PRKAA2: variants seen among roughly 807,000 people sequenced by gnomAD.
PRKAA2 encodes protein kinase AMP-activated catalytic subunit alpha 2, also known as 5'-AMP-activated protein kinase catalytic subunit alpha-2.
A neutral mutation model predicts 56.3 loss-of-function variants in PRKAA2; 40 were observed. The observed-to-expected ratio is 0.71, with a 90% CI of 0.55 to 0.92. The LOEUF (loss-of-function observed/expected upper bound fraction) is 0.92. PRKAA2 is among the 40% of genes least tolerant of loss of function. The pLI is 0.00. For missense variants in PRKAA2, 542 were observed against 686.9 expected (o/e 0.79, Z 2.36); for synonymous variants, 214 against 234.2 (o/e 0.91, Z 0.79).
chr1:56,662,230 A>G (rs2796527), intron 1 of PRKAA2, among the ~76,000 whole-genome samples: 85,751 of 151,838 alleles, frequency 0.56, 24,778 homozygotes, highest in East Asian at 0.83. Flanking sequence ...AAAGATTTAT[A>G]AGAACTTGAA....
Position 56,693,870 on chromosome 1 carries a change from A to G in PRKAA2, c.563+18A>G, listed in dbSNP as rs376943142. The G allele has an allele frequency of 9.9e-6, 15 of 1,511,392 alleles. No individual in the cohort carries two copies. The African/African-American group carries it at 1.8e-4, about 18-fold the overall frequency. 93.6% of individuals were successfully genotyped at this position (1,511,392 alleles called of 1,614,324 possible). Reference sequence around the variant, plus strand: ...TCAGGCAGGTAATAATCAGTGAAGCATAAGCTTTTTGTAATCTTGTGTTCA... The same window carrying G: ...TCAGGCAGGTAATAATCAGTGAAGCGTAAGCTTTTTGTAATCTTGTGTTCA... On this transcript the variant is annotated intron_variant, in intron 5 of 8. Transcript: ENST00000371244.
intron 2 of PRKAA2, among the ~76,000 whole-genome samples, chr1:56,683,852 G>A (rs887935878): frequency 6.6e-6 from 1 of 152,084 alleles, no homozygotes; most frequent in African/African-American, 2.4e-5. Context: ...GGCATTATAG[G>A]CCATTGTCAG....
chr1:56,664,011 A>G lies in PRKAA2; in HGVS notation c.95-10370A>G, dbSNP rs530763727. 1.8e-4 allele frequency among the ~76,000 whole-genome samples: 28 copies of G among 152,280 alleles called. No individual in the cohort carries two copies. The East Asian group carries it at 4.4e-3, about 24-fold the overall frequency. ...TTTCTCTGGAGGCTGAGGTGGGAGA[A>G]TCACTTGACACAGAAGGTCAGGGTT... On this transcript the variant is annotated intron_variant, in intron 1 of 8. Transcript: ENST00000371244.
rs751776166 is a variant in PRKAA2, at chr1:56,696,163, A to AT, written c.788+9dup. 1.1e-5 allele frequency: 18 copies of AT among 1,602,258 alleles called. No homozygotes were observed. The East Asian group carries it at 4.0e-4, about 36-fold the overall frequency. ...GAGCAACTATCAAAGACATAAGGTG[A>AT]TTTTTCTTTTTGTTTCTGTTCTGCA... On this transcript the variant is annotated splice_donor_region_variant and intron_variant, in intron 6 of 8. Coordinates refer to ENST00000371244, the MANE Select transcript of PRKAA2 (RefSeq NM_006252.4).
intron 1 of PRKAA2, among the ~76,000 whole-genome samples, chr1:56,659,763 C>T (rs1361964252): frequency 6.6e-6 from 1 of 151,904 alleles, no homozygotes; most frequent in Non-Finnish European, 1.5e-5. Flanking sequence ...TAAAAATTAG[C>T]CAGCCATGGT....
intron 2 of PRKAA2, among the ~76,000 whole-genome samples, chr1:56,686,660 T>A (rs1410900787): frequency 6.6e-6 from 1 of 151,932 alleles, no homozygotes; most frequent in Non-Finnish European, 1.5e-5. Context: ...AACAACCAGC[T>A]CTCTTATGAA....
intron 1 of PRKAA2, among the ~76,000 whole-genome samples, chr1:56,657,671 A>C (rs954046392): frequency 6.6e-6 from 1 of 151,408 alleles, no homozygotes; most frequent in Non-Finnish European, 1.5e-5. Flanking sequence ...GCAAGACTCC[A>C]TCTCAAAATA....
At chr1:56,671,352 C>G (rs1644074558) in intron 1 of PRKAA2, 1 of 152,112 alleles carries the variant, frequency 6.6e-6, no homozygotes, top group African/African-American at 2.4e-5. Context: ...TTTGTTAGAC[C>G]AGCCTGGCAA....
intron 6 of PRKAA2, among the ~76,000 whole-genome samples, chr1:56,702,334 C>T (rs1044049419): frequency 7.2e-5 from 11 of 152,176 alleles, no homozygotes; most frequent in South Asian, 2.1e-4. Context: ...CCGCCTGCCT[C>T]GGCCTCCCAA....
chr1:56,661,920 T>C (rs1032259810), intron 1 of PRKAA2, among the ~76,000 whole-genome samples: 1 of 152,126 alleles, frequency 6.6e-6, no homozygotes, highest in Non-Finnish European at 1.5e-5. Flanking sequence ...ACTTGTCTTT[T>C]TGAGTTATAA....
intron 1 of PRKAA2, chr1:56,671,492 CAT>C (rs1277890352): frequency 6.6e-6 from 1 of 152,158 alleles, no homozygotes; most frequent in Non-Finnish European, 1.5e-5. Context: ...GTCCTAGAAA[CAT>C]ATTTTGAAAT....
intron 5 of PRKAA2, among the ~76,000 whole-genome samples, chr1:56,695,152 A>C (rs901223464): frequency 4.1e-5 from 6 of 144,600 alleles, no homozygotes; most frequent in Admixed American, 2.8e-4. Context: ...TTAATGTTTT[A>C]AATATCTCTC....
In PRKAA2 at chr1:56,704,139, G is replaced by A; in HGVS notation, c.957G>A (p.Gln319=). Residue 319 remains glutamine, a synonymous_variant, in exon 7 of 9, where the codon CAG becomes CAA. Transcript: ENST00000371244. ...NSLYSGDPQD[Q]LAVAYHLIID... is the part of the protein sequence containing the mutation. ...TATATAGTGGTGACCCTCAAGACCA[G>A]CTTGCAGTGGCTTATCATCTTATCA... is the stretch of plus-strand genomic sequence containing the variant. 1 of 1,614,132 alleles carries A rather than the reference G, an allele frequency of 6.2e-7. No homozygotes were observed. The highest frequency in any genetic ancestry group is 2.2e-5 in the East Asian group (1 of 44,880).
intron 1 of PRKAA2, among the ~76,000 whole-genome samples, chr1:56,672,364 G>T (rs1644083524): frequency 6.6e-6 from 1 of 152,178 alleles, no homozygotes; most frequent in Admixed American, 6.5e-5. Flanking sequence ...TGAACCACCT[G>T]CCTCAGCCTC....
intron 5 of PRKAA2, among the ~76,000 whole-genome samples, chr1:56,695,382 C>T (rs569602408): frequency 1.3e-5 from 2 of 151,466 alleles, no homozygotes; most frequent in East Asian, 1.9e-4. Flanking sequence ...GTAGAAACAG[C>T]GTTTCACCAT....
chr1:56,696,293 T>A, intron 6 of PRKAA2, 134 bp downstream of exon 6: 1 of 740,700 alleles, frequency 1.4e-6, no homozygotes, highest in Non-Finnish European at 2.2e-6. Flanking sequence ...CACATTGAAC[T>A]TGTCCTTGTT....
intron 2 of PRKAA2, among the ~76,000 whole-genome samples, chr1:56,681,734 T>C (rs902884070): frequency 1.4e-4 from 22 of 152,318 alleles, no homozygotes; most frequent in Middle Eastern, 3.4e-3. Flanking sequence ...TTGGTACCAG[T>C]ACCATGCTGT....
intron 1 of PRKAA2, among the ~76,000 whole-genome samples, chr1:56,653,371 T>A (rs1331539032): frequency 2.0e-5 from 3 of 151,922 alleles, no homozygotes; most frequent in Non-Finnish European, 4.4e-5. Context: ...CAAAGGGTAT[T>A]TTAAATAGGA....
intron 2 of PRKAA2, among the ~76,000 whole-genome samples, chr1:56,688,216 T>C (rs557545648): frequency 2.6e-5 from 4 of 152,132 alleles, no homozygotes; most frequent in East Asian, 3.9e-4. Flanking sequence ...CCCTACCCCA[T>C]TGTGGTTAGG....
Sources: gnomAD v4.1 joint callset for allele counts (sites outside exome capture counted in the v4.1 genomes callset) on GRCh38, gnomAD v4.1.1 for gene constraint, MANE v1.5 for transcripts, NCBI Gene and HGNC (gene_info 2026-07-23, HGNC 2026-07-21) for gene names.